TG: variants seen among roughly 807,000 people sequenced by gnomAD.
The protein encoded by TG is thyroglobulin, also known as thyroid hormones.
Under a neutral mutation model 324.7 loss-of-function variants are expected in TG, and 270 were observed. That is an observed-to-expected ratio of 0.83 (90% CI 0.75 to 0.92). The LOEUF is 0.92. Ranked by LOEUF, TG falls within the 40% of genes least tolerant of loss-of-function variation. The pLI is 0.00. For missense variants in TG, 3,591 were observed against 3,456.4 expected, an observed-to-expected ratio of 1.04 and a Z score of -0.98; for synonymous variants, 1,401 against 1,327.0, an observed-to-expected ratio of 1.06 and a Z score of -1.21.
chr8:132,890,350 T>TG lies in TG; in HGVS notation c.2761+1790dup, dbSNP rs200158085. On this transcript the variant is annotated intron_variant, in intron 10 of 47. Coordinates refer to ENST00000220616, the MANE Select transcript of TG (RefSeq NM_003235.5). ...TGCCTTATAAAGAAATACCCATTTT[T>TG]GGGGGGGGTGCATATTCAAACTCTT... Among the ~76,000 whole-genome samples the TG allele has an allele frequency of 6.4e-3, 968 of 151,870 alleles. 9 individuals are homozygous for TG. Among genetic ancestry groups the TG allele is most frequent in the African/African-American group, 0.02 (840 of 41,406 alleles).
At position 132,886,646 on chromosome 8, in the gene TG, T is replaced by C. The variant is rs1406762503; in HGVS notation, c.1274T>C (p.Met425Thr). Residue 425 changes from methionine (M) to threonine (T), a missense_variant, in exon 9 of 48, where the codon ATG becomes ACG. Coordinates refer to ENST00000220616, the MANE Select transcript of TG (RefSeq NM_003235.5). ...LFVDSGLLRP[M>T]VEGQSQQFSV... ...GTGGACTCTGGGCTTCTCCGCCCAA[T>C]GGTGGAGGGACAGAGCCAACAGTTT... 1.2e-6 allele frequency: 2 copies of C among 1,614,028 alleles called. No individual in the cohort carries two copies. The highest frequency in any genetic ancestry group is 2.7e-5 in the African/African-American group (2 of 74,924).
At chr8:132,932,048 C>T (rs1363491723) in intron 23 of TG, among the ~76,000 whole-genome samples, 2 of 152,120 alleles carry the variant, frequency 1.3e-5, no homozygotes, top group Admixed American at 6.5e-5. Flanking sequence ...GAGCCAAGAT[C>T]GTGCTAATGC....
At chr8:133,024,423 G>A (rs1276440855) in intron 40 of TG, among the ~76,000 whole-genome samples, 1 of 143,226 alleles carries the variant, frequency 7.0e-6, no homozygotes, top group Non-Finnish European at 1.5e-5. Context: ...TTAAGTTCTG[G>A]GATACATGTG....
chr8:132,933,004 G>A (rs1480431363), intron 23 of TG, among the ~76,000 whole-genome samples: 5 of 152,196 alleles, frequency 3.3e-5, no homozygotes, highest in Non-Finnish European at 7.3e-5. Flanking sequence ...TCTGCCACTT[G>A]GTAGCTTTGT....
intron 40 of TG, among the ~76,000 whole-genome samples, chr8:133,022,658 A>T (rs1835667071): frequency 6.6e-6 from 1 of 152,154 alleles, no homozygotes; most frequent in Non-Finnish European, 1.5e-5. Context: ...CCTGTCCCTC[A>T]TCACAAACCT....
At chr8:133,126,709 G>A (rs1252810353) in intron 45 of TG, among the ~76,000 whole-genome samples, 1 of 151,588 alleles carries the variant, frequency 6.6e-6, no homozygotes, top group African/African-American at 2.4e-5. Flanking sequence ...TGCAGAATCT[G>A]AACTTTTGCA....
Position 132,983,461 on chromosome 8 carries a change from A to G in TG, c.6262+49A>G, listed in dbSNP as rs1831150960. ...CTTGGATGAGAGTACCCCCTCATTCATCTTCTTTCTCCTCTTCCCCCTTGC... is the reference window on the plus strand; with the variant it reads ...CTTGGATGAGAGTACCCCCTCATTCGTCTTCTTTCTCCTCTTCCCCCTTGC... On this transcript the variant is annotated intron_variant, in intron 35 of 47. Coordinates refer to ENST00000220616, the MANE Select transcript of TG (RefSeq NM_003235.5). The G allele has an allele frequency of 2.6e-6, 4 of 1,553,050 alleles. No homozygotes were observed. The South Asian group carries it at 3.3e-5, about 13-fold the overall frequency.
chr8:133,035,717 A>G (rs1244469708), intron 41 of TG, among the ~76,000 whole-genome samples: 1 of 152,056 alleles, frequency 6.6e-6, no homozygotes, highest in Non-Finnish European at 1.5e-5. Context: ...CTTAAATCCC[A>G]TTTTGTCTCA....
intron 43 of TG, among the ~76,000 whole-genome samples, chr8:133,105,802 C>G (rs752774196): frequency 6.6e-6 from 1 of 152,022 alleles, no homozygotes; most frequent in Admixed American, 6.5e-5. Context: ...GACAGCAGAA[C>G]GAGGTTCCAG....
intron 41 of TG, among the ~76,000 whole-genome samples, chr8:133,035,150 G>A (rs1306879610): frequency 6.6e-6 from 1 of 151,910 alleles, no homozygotes; most frequent in African/African-American, 2.4e-5. Flanking sequence ...TTCATTCTTT[G>A]TTTCCTGATC....
chr8:132,960,302 CCTCTCCTGT>C, intron 27 of TG, among the ~76,000 whole-genome samples: 1 of 152,038 alleles, frequency 6.6e-6, no homozygotes, highest in Non-Finnish European at 1.5e-5. Context: ...GTCAGCCAGC[CCTCTCCTGT>C]AGCATGGGGC....
At chr8:133,015,343 A>G (rs10505604) in intron 37 of TG, among the ~76,000 whole-genome samples, 36,409 of 152,174 alleles carry the variant, frequency 0.24, 4,440 homozygotes, top group Non-Finnish European at 0.26. Context: ...CAGGTGTCTC[A>G]ACTTTCACAC....
intron 18 of TG, among the ~76,000 whole-genome samples, chr8:132,911,149 C>G (rs1319243288): frequency 6.6e-6 from 1 of 152,196 alleles, no homozygotes; most frequent in African/African-American, 2.4e-5. Context: ...AGCTCTTCCT[C>G]CACTTATACT....
chr8:133,091,016 A>T (rs924326673), intron 41 of TG, among the ~76,000 whole-genome samples: 1 of 152,120 alleles, frequency 6.6e-6, no homozygotes, highest in African/African-American at 2.4e-5. Flanking sequence ...AGTGGCTTCA[A>T]CTCTACCCTG....
intron 43 of TG, chr8:133,102,590 C>G (rs890416231): frequency 6.4e-7 from 1 of 1,550,720 alleles, no homozygotes; most frequent in Admixed American, 2.0e-5. Context: ...GTTCTCCATT[C>G]GCAGCAAATG....
intron 35 of TG, among the ~76,000 whole-genome samples, chr8:133,004,432 CTGCCTCTGTAACCTTGGGGG>C (rs1312478649): frequency 6.6e-6 from 1 of 152,164 alleles, no homozygotes; most frequent in African/African-American, 2.4e-5. Flanking sequence ...TGACCTGGGG[CTGCCTCTGTAACCTTGGGGG>C]TGCCTCTGTA....
intron 39 of TG, among the ~76,000 whole-genome samples, chr8:133,020,850 A>G (rs1468341579): frequency 6.6e-6 from 1 of 152,196 alleles, no homozygotes. Context: ...CACAGCACTT[A>G]CGGGGGCAGG....
At chr8:132,998,725 G>A (rs1221219080) in intron 35 of TG, among the ~76,000 whole-genome samples, 2 of 152,222 alleles carry the variant, frequency 1.3e-5, no homozygotes, top group South Asian at 2.1e-4. Flanking sequence ...GTCCATATCA[G>A]CAAGTGCAGC....
At chr8:133,108,969 C>A (rs11997527) in intron 43 of TG, among the ~76,000 whole-genome samples, 1 of 152,138 alleles carries the variant, frequency 6.6e-6, no homozygotes, top group Non-Finnish European at 1.5e-5. Context: ...ATGCATGTTT[C>A]GTTGGGATCT....
Sources: allele counts gnomAD v4.1 joint callset (sites outside exome capture counted in the v4.1 genomes callset), GRCh38; gene constraint gnomAD v4.1.1; transcripts MANE v1.5; gene names NCBI Gene and HGNC (gene_info 2026-07-23, HGNC 2026-07-21).